The following GET1 variants were observed in gnomAD, a reference collection of about 807,000 sequenced individuals.
GET1 encodes congenital heart disease 5 protein.
Under a neutral mutation model 22.6 loss-of-function variants are expected in GET1, and 20 were observed. The observed-to-expected ratio is 0.89, with a 90% CI of 0.62 to 1.29. The LOEUF (loss-of-function observed/expected upper bound fraction) is 1.29. Ranked by LOEUF, GET1 falls within the 50% of genes most tolerant of loss-of-function variation. The pLI is 0.00. For missense variants in GET1, 209 were observed against 219.9 expected (o/e 0.95, Z 0.31); for synonymous variants, 92 against 83.8 (o/e 1.10, Z -0.53).
intron 1 of GET1, among the ~76,000 whole-genome samples, chr21:39,414,728 C>CTG (rs2040758504): frequency 8.7e-6 from 1 of 115,006 alleles, no homozygotes; most frequent in African/African-American, 3.7e-5. Flanking sequence ...CTCTCTCTCT[C>CTG]TCTCTCTCTC....
chr21:39,380,561 A>AG lies in GET1; in HGVS notation c.102+79dup, dbSNP rs2146888971. ...CCCCCGGCGGGTCTGGCGTAGGTAC[A>AG]GGGGTCTCAACTGGGCGACTGAAGG... On this transcript the variant is annotated intron_variant, in intron 1 of 4. Coordinates refer to ENST00000649170, the MANE Select transcript of GET1 (RefSeq NM_004627.6). The AG allele has an allele frequency of 1.0e-5, 16 of 1,553,852 alleles. No individual in the cohort carries two copies. The South Asian group carries it at 1.9e-4, about 18-fold the overall frequency.
intron 1 of GET1, among the ~76,000 whole-genome samples, chr21:39,389,091 C>T (rs1401031896): frequency 6.6e-6 from 1 of 152,052 alleles, no homozygotes. Context: ...TCCCTCCCTT[C>T]CTCCCTTCTT....
Position 39,402,930 on chromosome 21 carries a change from GACA to G in GET1, c.350-2977_350-2975del, listed in dbSNP as rs1265405126. Among the ~76,000 whole-genome samples, 8 of 152,278 alleles carry G rather than the reference GACA, an allele frequency of 5.3e-5. No homozygotes were observed. The East Asian group carries it at 7.7e-4, about 15-fold the overall frequency. ...TTTATTCATACAGTTAAGATGACTA[GACA>G]ACAACAGGCTTAGATTGTATTTTTA... is the stretch of plus-strand genomic sequence containing the variant. On this transcript the variant is annotated intron_variant, in intron 4 of 4. Transcript: ENST00000415847.
intron 1 of GET1, among the ~76,000 whole-genome samples, chr21:39,383,781 C>T (rs1160649911): frequency 1.3e-5 from 2 of 151,710 alleles, no homozygotes; most frequent in Non-Finnish European, 2.9e-5. Context: ...CTCTCTGTCA[C>T]CCAGGCTGGA....
At chr21:39,414,742 C>CTCTCTCTGTGTGTGTGTG (rs1341489035) in intron 1 of GET1, among the ~76,000 whole-genome samples, 3 of 99,232 alleles carry the variant, frequency 3.0e-5, no homozygotes, top group African/African-American at 8.8e-5. Flanking sequence ...CTCTCTCTCT[C>CTCTCTCTGTGTGTGTGTG]TGTGTGTGTG....
At chr21:39,415,039 T>C (rs2040890142) in intron 1 of GET1, among the ~76,000 whole-genome samples, 1 of 152,092 alleles carries the variant, frequency 6.6e-6, no homozygotes, top group Admixed American at 6.5e-5. Flanking sequence ...GTAGCTGGGA[T>C]TACAGGCTTG....
At chr21:39,389,420 G>C (rs2038150210) in intron 1 of GET1, among the ~76,000 whole-genome samples, 2 of 152,120 alleles carry the variant, frequency 1.3e-5, no homozygotes, top group Non-Finnish European at 2.9e-5. Context: ...TGTTAGGGTT[G>C]CAGGCCGAGC....
intron 1 of GET1, chr21:39,422,084 A>G (rs571887488): frequency 3.9e-5 from 6 of 152,366 alleles, no homozygotes; most frequent in Admixed American, 1.3e-4. Context: ...TAGATCACAT[A>G]TTAATTTCAT....
intron 1 of GET1, among the ~76,000 whole-genome samples, chr21:39,419,244 G>C (rs1259238967): frequency 6.6e-6 from 1 of 152,116 alleles, no homozygotes; most frequent in Non-Finnish European, 1.5e-5. Flanking sequence ...TAAAGATCAG[G>C]CTGGGTGTGG....
chr21:39,420,921 C>T, intron 1 of GET1: 1 of 1,119,974 alleles, frequency 8.9e-7, no homozygotes, highest in Non-Finnish European at 1.3e-6. Flanking sequence ...GAACTAACTA[C>T]ATTTATGAAA....
At chr21:39,396,823 C>T in intron 4 of GET1, 43 bp from the exon 5 acceptor site, 1 of 1,566,816 alleles carries the variant, frequency 6.4e-7, no homozygotes, top group Non-Finnish European at 8.8e-7. Context: ...ATGGGGGCAG[C>T]ACTGCTGGTA....
exon 5 of GET1, chr21:39,406,001 G>A (rs199513705): frequency 1.9e-6 from 3 of 1,614,248 alleles, no homozygotes; most frequent in African/African-American, 2.7e-5. Context: ...GGCAGGGGAT[G>A]CGACTCCTTA....
chr21:39,409,688 G>A (rs146693873), downstream of GET1, among the ~76,000 whole-genome samples: 757 of 152,248 alleles, frequency 5.0e-3, no homozygotes, highest in Non-Finnish European at 8.8e-3. The surrounding 1 kb of genome is among the most constrained non-coding windows in gnomAD (Gnocchi z 4.2). Flanking sequence ...TGCCTCCTGG[G>A]TCCAAGCGAT....
rs147171239 is a variant in GET1, at chr21:39,423,482, C to T, written c.*24-4750C>T. 3,144 of 1,555,238 alleles carry T rather than the reference C, an allele frequency of 2.0e-3. 8 individuals carry two copies. The highest frequency in any genetic ancestry group is 2.4e-3 in the Non-Finnish European group (2,778 of 1,160,058). On this transcript the variant is annotated intron_variant, in intron 1 of 1. Coordinates refer to the GET1 transcript ENST00000478273. Reference sequence around the variant, plus strand: ...GTGTGCTTTTTTTCAACTGATATTTCCTTCTGGCCTGTGTAAGCAGAAAAT... The same window carrying T: ...GTGTGCTTTTTTTCAACTGATATTTTCTTCTGGCCTGTGTAAGCAGAAAAT...
At chr21:39,415,527 T>G (rs2040978986) in intron 1 of GET1, among the ~76,000 whole-genome samples, 1 of 152,186 alleles carries the variant, frequency 6.6e-6, no homozygotes, top group African/African-American at 2.4e-5. Context: ...ATAACTTATT[T>G]CAGTATCTGT....
intron 2 of GET1, chr21:39,391,553 C>A: frequency 7.1e-5 from 33 of 462,772 alleles, no homozygotes; most frequent in Middle Eastern, 6.4e-4. Flanking sequence ...TAAAGCTATT[C>A]AAATCTCAAT....
intron 1 of GET1, among the ~76,000 whole-genome samples, chr21:39,416,947 T>C (rs567800806): frequency 1.2e-4 from 18 of 152,374 alleles, no homozygotes; most frequent in African/African-American, 4.1e-4. Context: ...GTTCCCTGTC[T>C]GCAGGTTCTG....
chr21:39,415,067 A>G (rs1281467785), intron 1 of GET1, among the ~76,000 whole-genome samples: 2 of 151,912 alleles, frequency 1.3e-5, no homozygotes, highest in African/African-American at 4.8e-5. Flanking sequence ...ATGCCCAGAT[A>G]ATTTCTAAAT....
chr21:39,391,766 C>T lies in GET1; in HGVS notation c.269-3C>T. 1 of 1,613,114 alleles carries T rather than the reference C, an allele frequency of 6.2e-7. No homozygotes were observed. Among genetic ancestry groups the T allele is most frequent in the Non-Finnish European group, 8.5e-7 (1 of 1,179,670 alleles). Reference sequence around the variant, plus strand: ...TAATTATTTATCCTGTTTTTCCTTTCAGTGAAAGCTCGGACAGCTCAATTA... The same window carrying T: ...TAATTATTTATCCTGTTTTTCCTTTTAGTGAAAGCTCGGACAGCTCAATTA... On this transcript the variant is annotated splice_region_variant and splice_polypyrimidine_tract_variant and intron_variant, in intron 2 of 4. Transcript: ENST00000649170.
Sources: gnomAD v4.1 joint callset for allele counts (sites outside exome capture counted in the v4.1 genomes callset) on GRCh38, gnomAD v4.1.1 for gene constraint, Gnocchi (gnomAD v3.1) non-coding constraint, MANE v1.5 for transcripts, NCBI Gene and HGNC (gene_info 2026-07-23, HGNC 2026-07-21) for gene names.